Variants in DLGAP1 observed in about 807,000 individuals in gnomAD.
DLGAP1 encodes DLG associated protein 1.
DLGAP1 carries 11 observed loss-of-function variants against 90.8 expected under a neutral mutation model. The observed-to-expected ratio is 0.12, with a 90% confidence interval of 0.08 to 0.20. The LOEUF (loss-of-function observed/expected upper bound fraction) is 0.20. DLGAP1 is among the 10% of genes least tolerant of loss of function. The pLI is 1.00. For missense variants in DLGAP1, 1,050 were observed against 1,333.8 expected, an observed-to-expected ratio of 0.79 and a Z score of 3.31; for synonymous variants, 558 against 540.7, an observed-to-expected ratio of 1.03 and a Z score of -0.44.
intron 7 of DLGAP1, among the ~76,000 whole-genome samples, chr18:3,650,936 C>T (rs774479219): frequency 3.3e-5 from 5 of 150,204 alleles, no homozygotes; most frequent in Admixed American, 1.3e-4. Flanking sequence ...TGTGGTCATG[C>T]GTGCCTGGAA....
chr18:4,169,041 C>G (rs2076980860), intron 1 of DLGAP1, among the ~76,000 whole-genome samples: 1 of 152,108 alleles, frequency 6.6e-6, no homozygotes. Flanking sequence ...TGAGTCTCTG[C>G]TTTTAGTTCT....
At chr18:4,449,007 C>G (rs1456886995) in intron 1 of DLGAP1, among the ~76,000 whole-genome samples, 2 of 152,198 alleles carry the variant, frequency 1.3e-5, no homozygotes, top group African/African-American at 4.8e-5. Context: ...ATAGGGGCCA[C>G]TGTCTCTGGT....
rs1395744556 is a variant in DLGAP1, at chr18:3,565,146, A to G, written c.2057+2344T>C. On this transcript the variant is annotated intron_variant, in intron 9 of 12. Coordinates refer to ENST00000315677, the MANE Select transcript of DLGAP1 (RefSeq NM_004746.4). The surrounding 1 kb of genome is among the most constrained non-coding windows in gnomAD (Gnocchi z 4.0). ...AAGCTGGGCTGGTGGGAGATGGAGG[A>G]ATATATTTTCTTTTTCTTTTTAAGA... Among the ~76,000 whole-genome samples the G allele has an allele frequency of 6.6e-6, 1 of 151,878 alleles. No individual in the cohort carries two copies. Among genetic ancestry groups the G allele is most frequent in the African/African-American group, 2.4e-5 (1 of 41,320 alleles).
chr18:4,044,227 T>C (rs1375836503), intron 2 of DLGAP1, among the ~76,000 whole-genome samples: 1 of 152,210 alleles, frequency 6.6e-6, no homozygotes, highest in East Asian at 1.9e-4. Context: ...ATCTAATGTC[T>C]GGGTTTTGGG....
intron 4 of DLGAP1, among the ~76,000 whole-genome samples, chr18:3,818,430 G>C (rs2067218978): frequency 7.4e-6 from 1 of 135,306 alleles, no homozygotes; most frequent in African/African-American, 2.8e-5. Context: ...CGTGATCTTA[G>C]CTCACTGCAA....
chr18:3,980,214 AAGG>A (rs749577087), intron 3 of DLGAP1, among the ~76,000 whole-genome samples: 1 of 152,188 alleles, frequency 6.6e-6, no homozygotes, highest in Admixed American at 6.5e-5. Flanking sequence ...GATGGTGAGG[AAGG>A]AGAAGAGGAG....
At chr18:4,251,655 A>G (rs1318675345) in intron 1 of DLGAP1, among the ~76,000 whole-genome samples, 1 of 152,220 alleles carries the variant, frequency 6.6e-6, no homozygotes, top group Non-Finnish European at 1.5e-5. Flanking sequence ...TACAAATACA[A>G]TTGTATGTAA....
chr18:3,779,274 CCA>C (rs1378435801), intron 5 of DLGAP1, among the ~76,000 whole-genome samples: 1 of 152,118 alleles, frequency 6.6e-6, no homozygotes, highest in Non-Finnish European at 1.5e-5. Flanking sequence ...ACAGGGTCTG[CCA>C]TGTTGCCCAG....
intron 3 of DLGAP1, among the ~76,000 whole-genome samples, chr18:3,920,103 G>A (rs2072233022): frequency 6.6e-6 from 1 of 152,108 alleles, no homozygotes. Context: ...AGCACTTTGG[G>A]AGGCCGAGGC....
At chr18:4,451,032 C>T (rs280985) in intron 1 of DLGAP1, among the ~76,000 whole-genome samples, 60,245 of 151,968 alleles carry the variant, frequency 0.4, 12,139 homozygotes, top group Middle Eastern at 0.47. Context: ...ATGTTACTTG[C>T]TGCCCAGTAA....
At chr18:3,557,307 G>T (rs2053813096) in intron 9 of DLGAP1, among the ~76,000 whole-genome samples, 1 of 152,102 alleles carries the variant, frequency 6.6e-6, no homozygotes, top group South Asian at 2.1e-4. Flanking sequence ...GGATCACAAG[G>T]TCAGGAGTTT....
chr18:4,266,393 T>G (rs1164406166), intron 1 of DLGAP1, among the ~76,000 whole-genome samples: 1 of 152,200 alleles, frequency 6.6e-6, no homozygotes, highest in African/African-American at 2.4e-5. Context: ...AATGGCAATT[T>G]GGGCATAAAT....
chr18:4,029,123 G>T (rs1259912110), intron 2 of DLGAP1, among the ~76,000 whole-genome samples: 1 of 152,040 alleles, frequency 6.6e-6, no homozygotes. Flanking sequence ...GTCTTTCTAT[G>T]CCTGGCTTAT....
intron 5 of DLGAP1, among the ~76,000 whole-genome samples, chr18:3,766,172 TAGG>T (rs2064233738): frequency 6.6e-6 from 1 of 151,896 alleles, no homozygotes. Context: ...TAAAGGAAAA[TAGG>T]AGTTGCTCTA....
At chr18:4,028,468 C>A (rs766975491) in intron 2 of DLGAP1, among the ~76,000 whole-genome samples, 1 of 152,132 alleles carries the variant, frequency 6.6e-6, no homozygotes, top group African/African-American at 2.4e-5. Flanking sequence ...GGGCACATCA[C>A]GCCAAATGTT....
chr18:4,424,801 C>A (rs2083116337), intron 1 of DLGAP1, among the ~76,000 whole-genome samples: 1 of 152,096 alleles, frequency 6.6e-6, no homozygotes, highest in African/African-American at 2.4e-5. Context: ...ATTGCGAATA[C>A]AAGAGATGGT....
chr18:3,927,855 A>T (rs2072427231), intron 3 of DLGAP1, among the ~76,000 whole-genome samples: 1 of 152,192 alleles, frequency 6.6e-6, no homozygotes, highest in Non-Finnish European at 1.5e-5. Context: ...AGGAGCATGA[A>T]TGTTTTTTAA....
intron 1 of DLGAP1, among the ~76,000 whole-genome samples, chr18:4,449,327 C>A (rs1453896850): frequency 1.3e-5 from 2 of 152,206 alleles, no homozygotes; most frequent in Non-Finnish European, 2.9e-5. Flanking sequence ...TGCTTGCCAG[C>A]AGAGTGCATG....
chr18:4,203,392 C>A (rs1487780131), intron 1 of DLGAP1, among the ~76,000 whole-genome samples: 10 of 151,914 alleles, frequency 6.6e-5, no homozygotes, highest in Admixed American at 6.6e-4. Context: ...TAAGGGCCCA[C>A]ATTTGTCATG....
Sources: gnomAD v4.1 joint callset for allele counts (sites outside exome capture counted in the v4.1 genomes callset) on GRCh38, gnomAD v4.1.1 for gene constraint, Gnocchi (gnomAD v3.1) non-coding constraint, MANE v1.5 for transcripts, NCBI Gene and HGNC (gene_info 2026-07-23, HGNC 2026-07-21) for gene names.